The following DIXDC1 variants were observed in gnomAD, a reference collection of about 807,000 sequenced individuals.
The protein encoded by DIXDC1 is DIX domain containing 1, also known as dixin.
A neutral mutation model predicts 103.1 loss-of-function variants in DIXDC1; 64 were observed. The ratio of observed to expected loss-of-function variants is 0.62; its 90% CI spans 0.51 to 0.76. The LOEUF is 0.76. Ranked by LOEUF, DIXDC1 falls within the 30% of genes least tolerant of loss-of-function variation. The pLI is 0.00. For synonymous variants in DIXDC1, 266 were observed against 298.5 expected, an observed-to-expected ratio of 0.89 and a Z score of 1.12; for missense variants, 759 against 834.2, an observed-to-expected ratio of 0.91 and a Z score of 1.11.
At chr11:112,014,410 G>A (rs186075519) in intron 17 of DIXDC1, among the ~76,000 whole-genome samples, 44 of 152,228 alleles carry the variant, frequency 2.9e-4, no homozygotes, top group Admixed American at 4.6e-4. Flanking sequence ...TTCACCTACA[G>A]TTTTGTAAAT....
Position 112,019,763 on chromosome 11 carries a change from C to CT in DIXDC1, c.*730dup, listed in dbSNP as rs1445022697. ...GTACTGTTAGTTTTCTCTGGGGACT[C>CT]TTTAACTTTAGAGCCATTTCTTTTT... is the stretch of plus-strand genomic sequence containing the variant. On this transcript the variant is annotated 3_prime_UTR_variant, in exon 20 of 20. Coordinates refer to ENST00000440460, the MANE Select transcript of DIXDC1 (RefSeq NM_001037954.4). The CT allele has an allele frequency of 4.6e-5, 7 of 152,328 alleles. No homozygotes were observed. Among genetic ancestry groups the CT allele is most frequent in the Non-Finnish European group, 1.0e-4 (7 of 68,034 alleles). 9.4% of individuals were successfully genotyped at this position (152,328 alleles called of 1,614,324 possible). A position where few individuals can be genotyped will look rare whatever the true frequency, so the allele number is the denominator to read the frequency against.
At chr11:111,928,178 A>G (rs1394652282) in intron 1 of DIXDC1, among the ~76,000 whole-genome samples, 1 of 152,162 alleles carries the variant, frequency 6.6e-6, no homozygotes, top group African/African-American at 2.4e-5. Flanking sequence ...CAATGCAGGC[A>G]GATTCAGAAA....
chr11:111,994,923 C>A, intron 14 of DIXDC1, 96 bp from the exon 15 acceptor site: 2 of 1,099,076 alleles, frequency 1.8e-6, no homozygotes, highest in Non-Finnish European at 2.7e-6. Context: ...TTATATACTT[C>A]ATCAGGAAGT....
chr11:111,986,767 G>T, intron 8 of DIXDC1, 104 bp from the exon 9 acceptor site: 1 of 980,558 alleles, frequency 1.0e-6, no homozygotes, highest in Non-Finnish European at 1.5e-6. Flanking sequence ...TGTATCCACA[G>T]TACAGAGCTG....
intron 2 of DIXDC1, among the ~76,000 whole-genome samples, chr11:111,966,213 TTTTTTTTTTTTTTCC>T (rs1310628092): frequency 6.2e-5 from 8 of 128,400 alleles, no homozygotes; most frequent in Non-Finnish European, 7.8e-5. Flanking sequence ...CGGGGTTTTT[TTTTTTTTTTTTTTCC>T]TTTTTTTTTT....
chr11:111,956,633 G>A (rs1029583025), intron 1 of DIXDC1, among the ~76,000 whole-genome samples: 4 of 152,022 alleles, frequency 2.6e-5, no homozygotes, highest in Non-Finnish European at 4.4e-5. Context: ...GGGATTACAG[G>A]TGCCCACCAC....
At position 112,012,380 on chromosome 11, in the gene DIXDC1, G is replaced by A. The variant is rs147406941; in HGVS notation, c.1757-4311G>A. On this transcript the variant is annotated intron_variant, in intron 17 of 19. Transcript: ENST00000440460. ...GGTGAATTGGTAGATACATAGATGA[G>A]TGGAACAGCATAGAGTTAAAAATAG... Among the ~76,000 whole-genome samples, 139 of 152,316 alleles carry A rather than the reference G, an allele frequency of 9.1e-4. 1 individual carries two copies. Among genetic ancestry groups the A allele is most frequent in the African/African-American group, 3.0e-3 (125 of 41,570 alleles).
At chr11:112,001,292 GT>G (rs1861057692) in intron 17 of DIXDC1, among the ~76,000 whole-genome samples, 2 of 152,214 alleles carry the variant, frequency 1.3e-5, no homozygotes, top group Non-Finnish European at 2.9e-5. Context: ...AGATGCCAGG[GT>G]CAGGAGCGAG....
At chr11:112,007,253 G>A (rs1217957169) in intron 17 of DIXDC1, among the ~76,000 whole-genome samples, 1 of 152,164 alleles carries the variant, frequency 6.6e-6, no homozygotes, top group African/African-American at 2.4e-5. Flanking sequence ...GAGAAGTTTA[G>A]AGAGAAAAGA....
chr11:112,013,210 C>T (rs1861476972), intron 17 of DIXDC1, among the ~76,000 whole-genome samples: 1 of 151,426 alleles, frequency 6.6e-6, no homozygotes. Flanking sequence ...TGGATCAGGG[C>T]TCCACCCGTA....
At chr11:111,934,776 A>G (rs1966141712), upstream of DIXDC1, among the ~76,000 whole-genome samples, 1 of 152,206 alleles carries the variant, frequency 6.6e-6, no homozygotes, top group Admixed American at 6.5e-5. Flanking sequence ...ATATGGTCTG[A>G]CAGGAATTTT....
intron 17 of DIXDC1, among the ~76,000 whole-genome samples, chr11:112,009,274 G>C (rs1861337836): frequency 6.6e-6 from 1 of 152,142 alleles, no homozygotes; most frequent in East Asian, 1.9e-4. Flanking sequence ...TTGAATCTCT[G>C]AATAGACCAA....
chr11:111,995,141 A>G (rs1860851827), intron 15 of DIXDC1, 33 bp downstream of exon 15: 2 of 1,601,654 alleles, frequency 1.2e-6, no homozygotes, highest in South Asian at 2.2e-5. Context: ...GAGTCCTGCC[A>G]CTTCTCACTG....
upstream of DIXDC1, chr11:111,937,102 A>T: frequency 2.1e-6 from 1 of 468,638 alleles, no homozygotes; most frequent in Non-Finnish European, 2.7e-6. Flanking sequence ...TGTGTAGCGC[A>T]CGCACACACG....
intron 14 of DIXDC1, among the ~76,000 whole-genome samples, chr11:111,994,496 T>C (rs1398033682): frequency 6.6e-6 from 1 of 151,312 alleles, no homozygotes; most frequent in Non-Finnish European, 1.5e-5. Flanking sequence ...CACACACATA[T>C]ATACATACAT....
At chr11:112,000,694 TAA>T (rs1213037054) in intron 17 of DIXDC1, among the ~76,000 whole-genome samples, 7 of 118,112 alleles carry the variant, frequency 5.9e-5, no homozygotes, top group Non-Finnish European at 7.2e-5. Flanking sequence ...AGATTCTGTC[TAA>T]AAAAAAAAAA....
chr11:112,009,918 C>T (rs587678979), intron 17 of DIXDC1, among the ~76,000 whole-genome samples: 46 of 152,308 alleles, frequency 3.0e-4, no homozygotes, highest in African/African-American at 1.1e-3. Context: ...GATGCCCTCT[C>T]TCACCACTCC....
intron 17 of DIXDC1, among the ~76,000 whole-genome samples, chr11:112,000,301 G>GAC (rs1861026719): frequency 6.6e-6 from 1 of 152,076 alleles, no homozygotes; most frequent in African/African-American, 2.4e-5. Flanking sequence ...TAAGGGTCTA[G>GAC]GATCCAGAAT....
At position 112,022,642 on chromosome 11, in the gene DIXDC1, C is replaced by T. The variant is rs587686200; in HGVS notation, c.*3606C>T. On this transcript the variant is annotated 3_prime_UTR_variant, in exon 20 of 20. Transcript: ENST00000440460. The surrounding 1 kb of genome is among the most constrained non-coding windows in gnomAD (Gnocchi z 4.9). ...TGAGATTAATCAATAAAGCCATTTA[C>T]ATTTAGTGAAAGCAAATTTCCTCAA... 15 of 152,748 alleles carry T rather than the reference C, an allele frequency of 9.8e-5. No individual in the cohort carries two copies. In the East Asian group the frequency reaches 2.7e-3, roughly 27 times the overall value. The allele number at this position is 152,748 out of a possible 1,614,324, so 9.5% of individuals were successfully genotyped here.
Sources: allele counts gnomAD v4.1 joint callset (sites outside exome capture counted in the v4.1 genomes callset), GRCh38; gene constraint gnomAD v4.1.1; non-coding constraint Gnocchi (gnomAD v3.1); transcripts MANE v1.5; gene names NCBI Gene and HGNC (gene_info 2026-07-23, HGNC 2026-07-21).